Variants in TRPV5 observed in about 807,000 individuals in gnomAD.
TRPV5 encodes the protein transient receptor potential cation channel subfamily V member 5, also known as calcium transport protein 2.
In TRPV5, 66 loss-of-function variants were observed where a neutral mutation model predicts 74.1. The observed-to-expected ratio is 0.89, with a 90% CI of 0.73 to 1.09. The LOEUF (loss-of-function observed/expected upper bound fraction) is 1.09, where lower values mean the gene tolerates loss of function less well. TRPV5 is among the 50% of genes least tolerant of loss of function. The probability of loss-of-function intolerance (pLI) is 0.00; values close to 1 mark genes in which losing one functional copy is unlikely to be tolerated. For synonymous variants in TRPV5, 399 were observed against 360.7 expected, an observed-to-expected ratio of 1.11 and a Z score of -1.20; for missense variants, 936 against 930.4, an observed-to-expected ratio of 1.01 and a Z score of -0.08.
Position 142,933,514 on chromosome 7 carries a change from C to T in TRPV5, c.-55G>A. 7.0e-6 allele frequency: 11 copies of T among 1,580,924 alleles called. No homozygotes were observed. Among genetic ancestry groups the T allele is most frequent in the Non-Finnish European group, 9.4e-6 (11 of 1,164,954 alleles). On this transcript the variant is annotated 5_prime_UTR_variant, in exon 1 of 15. Coordinates refer to ENST00000265310, the MANE Select transcript of TRPV5 (RefSeq NM_019841.7). ...TAGAAATGTGGCGAAAGAAACAGGT[C>T]TAGGATGACAGCAACTGAGCAAGAG...
intron 3 of TRPV5, 151 bp downstream of exon 3, chr7:142,929,907 G>GGAGA: frequency 7.9e-7 from 1 of 1,270,304 alleles, no homozygotes; most frequent in Non-Finnish European, 1.1e-6. Context: ...CCAAGACCAG[G>GGAGA]ACCTTTGCAT....
intron 7 of TRPV5, 64 bp from the exon 8 acceptor site, chr7:142,925,805 G>C: frequency 1.4e-6 from 2 of 1,432,648 alleles, no homozygotes; most frequent in South Asian, 2.4e-5. Flanking sequence ...TATCCCACTG[G>C]GGGCCAGAAG....
intron 8 of TRPV5, among the ~76,000 whole-genome samples, chr7:142,916,617 T>A (rs1403853077): frequency 6.6e-6 from 1 of 151,960 alleles, no homozygotes; most frequent in African/African-American, 2.4e-5. Context: ...AAGAAAGGAG[T>A]TGAGAGTCCC....
intron 1 of TRPV5, among the ~76,000 whole-genome samples, chr7:142,932,464 A>G (rs921200755): frequency 1.3e-5 from 2 of 152,186 alleles, no homozygotes; most frequent in Non-Finnish European, 2.9e-5. Flanking sequence ...AAAATTATTA[A>G]GAACTTGAAG....
chr7:142,929,981 AG>A (rs4252403), intron 3 of TRPV5, 76 bp downstream of exon 3: 104,621 of 1,606,996 alleles, frequency 0.065, 7,302 homozygotes, highest in African/African-American at 0.37. Flanking sequence ...CCCATCCTTC[AG>A]AGGCCAATTT....
At chr7:142,913,298 T>A (rs1795734349) in intron 12 of TRPV5, among the ~76,000 whole-genome samples, 1 of 152,212 alleles carries the variant, frequency 6.6e-6, no homozygotes, top group Non-Finnish European at 1.5e-5. Flanking sequence ...TGGAGCCTAC[T>A]GGATAGCAGT....
Position 142,908,175 on chromosome 7 carries a change from T to G in TRPV5, c.*339A>C. 1 of 333,584 alleles carries G rather than the reference T, an allele frequency of 3.0e-6. No homozygotes were observed. Among genetic ancestry groups the G allele is most frequent in the Non-Finnish European group, 5.5e-6 (1 of 181,904 alleles). The allele number at this position is 333,584 out of a possible 1,614,324, so 20.7% of individuals were successfully genotyped here. The stretch of plus-strand genomic sequence containing the variant: ...TAAGCCCTGGGGAGCCAGAAAAGCC[T>G]CACAGCTTACTACTTTCTAGGGGCT... On this transcript the variant is annotated 3_prime_UTR_variant, in exon 15 of 15. Coordinates refer to ENST00000265310, the MANE Select transcript of TRPV5 (RefSeq NM_019841.7).
chr7:142,930,172 C>G lies in TRPV5; in HGVS notation c.235G>C (p.Gly79Arg). The change falls in exon 3 of 15, where the codon GGG (glycine) becomes CGG (arginine). Residue 79 changes from glycine to arginine, a missense_variant. Gly to Arg is a moderately radical substitution (Grantham distance 125). Transcript: ENST00000265310. Reference protein sequence around the residue: ...TCDVRQRGALGETALHIAALY... With the variant: ...TCDVRQRGALRETALHIAALY... ...GCTGCTATGTGCAGCGCCGTCTCCCCCAGGGCTCCTGGATTGGAGTAAGAC... is the reference window on the plus strand; with the variant it reads ...GCTGCTATGTGCAGCGCCGTCTCCCGCAGGGCTCCTGGATTGGAGTAAGAC... 1 of 1,612,594 alleles carries G rather than the reference C, an allele frequency of 6.2e-7. No homozygotes were observed. The highest frequency in any genetic ancestry group is 8.5e-7 in the Non-Finnish European group (1 of 1,179,614).
Position 142,908,668 on chromosome 7 carries a change from G to C in TRPV5, c.2036C>G (p.Ala679Gly), listed in dbSNP as rs1347365801. 1.2e-6 allele frequency: 2 copies of C among 1,614,228 alleles called. No homozygotes were observed. The highest frequency in any genetic ancestry group is 1.7e-6 in the Non-Finnish European group (2 of 1,180,030). The change falls in exon 15 of 15, where the codon GCC (alanine) becomes GGC (glycine). Residue 679 changes from alanine (A) to glycine (G), a missense_variant. Ala to Gly is a moderately conservative substitution (Grantham distance 60, BLOSUM62 0). Coordinates refer to ENST00000265310, the MANE Select transcript of TRPV5 (RefSeq NM_019841.7). ...SGAESGTLAR[A>G]SLALPTSSLS... ...GGAGGAAGTTGGAAGAGCCAAAGAG[G>C]CTCTGGCTAGAGTCCCACTCTCAGC...
chr7:142,925,474 C>T, intron 8 of TRPV5, 55 bp downstream of exon 8: 3 of 1,594,134 alleles, frequency 1.9e-6, no homozygotes, highest in Non-Finnish European at 2.6e-6. Context: ...GCTTCGTTTC[C>T]AGCACCATCA....
rs963800102 is a variant in TRPV5 at position 142,908,538 on chromosome 7, A to C, written c.2166T>G (p.Asp722Glu). 1.7e-5 allele frequency: 27 copies of C among 1,614,092 alleles called. No individual in the cohort carries two copies. Among genetic ancestry groups the C allele is most frequent in the Non-Finnish European group, 2.3e-5 (27 of 1,180,026 alleles). Residue 722 changes from aspartate to glutamate, a missense_variant, in exon 15 of 15, where the codon GAT (aspartate) becomes GAG (glutamate). Physicochemically the swap from Asp to Glu is conservative, Grantham distance 45. Coordinates refer to ENST00000265310, the MANE Select transcript of TRPV5 (RefSeq NM_019841.7). The part of the protein sequence containing the change: ...LNLGLNLSEG[D>E]GEEVYHF ...ATCAAAAATGGTAGACCTCCTCTCC[A>C]TCCCCCTCACTAAGGTTCAGTCCAA...
chr7:142,917,352 T>C (rs1795820059), intron 8 of TRPV5, among the ~76,000 whole-genome samples: 1 of 152,200 alleles, frequency 6.6e-6, no homozygotes, highest in Admixed American at 6.5e-5. Flanking sequence ...TATATGTGTC[T>C]ATAAAAATAT....
At chr7:142,917,067 T>G (rs1795813192) in intron 8 of TRPV5, among the ~76,000 whole-genome samples, 1 of 151,876 alleles carries the variant, frequency 6.6e-6, no homozygotes, top group Admixed American at 6.6e-5. Flanking sequence ...TTTGTGTGTC[T>G]GGTTTTTTTT....
chr7:142,913,299 G>T (rs564683567), intron 12 of TRPV5, among the ~76,000 whole-genome samples: 1 of 152,290 alleles, frequency 6.6e-6, no homozygotes, highest in African/African-American at 2.4e-5. Context: ...GGAGCCTACT[G>T]GATAGCAGTG....
chr7:142,921,703 C>T (rs1300842880), intron 8 of TRPV5, among the ~76,000 whole-genome samples: 2 of 152,144 alleles, frequency 1.3e-5, no homozygotes, highest in Admixed American at 1.3e-4. Context: ...ACAAAAATTA[C>T]TCTGTACATC....
Position 142,928,285 on chromosome 7 carries a change from G to A in TRPV5, c.763-51C>T, listed in dbSNP as rs373304954. Reference sequence around the variant, plus strand: ...GGGGCCAACGTGTGAGAAGGTGGTCGAGGAGAACAACTCCATTGGATGGAG... The same window carrying A: ...GGGGCCAACGTGTGAGAAGGTGGTCAAGGAGAACAACTCCATTGGATGGAG... On this transcript the variant is annotated intron_variant, in intron 6 of 14. Coordinates refer to ENST00000265310, the MANE Select transcript of TRPV5 (RefSeq NM_019841.7). The A allele has an allele frequency of 6.1e-4, 973 of 1,605,316 alleles. 1 individual carries two copies. Among genetic ancestry groups the A allele is most frequent in the South Asian group, 8.8e-4 (80 of 90,780 alleles).
At chr7:142,909,432 C>T in intron 14 of TRPV5, 58 bp downstream of exon 14, 2 of 1,587,512 alleles carry the variant, frequency 1.3e-6, no homozygotes, top group Non-Finnish European at 1.7e-6. Context: ...TGTCGGTCAC[C>T]CTTGCTTCCG....
intron 8 of TRPV5, among the ~76,000 whole-genome samples, 185 bp from the exon 9 acceptor site, chr7:142,915,753 C>T (rs995804018): frequency 3.3e-5 from 5 of 152,192 alleles, no homozygotes; most frequent in South Asian, 2.1e-4. Context: ...GTCTATGTAT[C>T]CAAGGTTTAA....
chr7:142,915,909 T>C (rs138641367), intron 8 of TRPV5, among the ~76,000 whole-genome samples: 40 of 152,330 alleles, frequency 2.6e-4, no homozygotes, highest in African/African-American at 7.9e-4. Flanking sequence ...GAAGAGGTAT[T>C]AGTGGCTTGG....
Sources: gnomAD v4.1 joint callset for allele counts (sites outside exome capture counted in the v4.1 genomes callset) on GRCh38, gnomAD v4.1.1 for gene constraint, MANE v1.5 for transcripts, NCBI Gene and HGNC (gene_info 2026-07-23, HGNC 2026-07-21) for gene names.